The following IL18R1 variants were observed in gnomAD, a reference collection of about 807,000 sequenced individuals.
IL18R1 encodes the protein interleukin 18 receptor 1.
IL18R1 carries 40 observed loss-of-function variants against 48.5 expected under a neutral mutation model. The observed-to-expected ratio is 0.82, with a 90% confidence interval of 0.64 to 1.07. The LOEUF (loss-of-function observed/expected upper bound fraction) is 1.07. Ranked by LOEUF, IL18R1 falls within the 50% of genes least tolerant of loss-of-function variation. The pLI, the probability that IL18R1 is intolerant of heterozygous loss-of-function variation, is 0.00. For missense variants in IL18R1, 596 were observed against 633.7 expected, an observed-to-expected ratio of 0.94 and a Z score of 0.64; for synonymous variants, 232 against 225.9, an observed-to-expected ratio of 1.03 and a Z score of -0.24.
intron 6 of IL18R1, among the ~76,000 whole-genome samples, chr2:102,383,294 A>G (rs1355190322): frequency 6.6e-6 from 1 of 152,160 alleles, no homozygotes; most frequent in Non-Finnish European, 1.5e-5. Context: ...TTAAATGTCT[A>G]TTTGGTTAAG....
intron 8 of IL18R1, among the ~76,000 whole-genome samples, chr2:102,388,436 C>T (rs1010885471): frequency 4.6e-5 from 7 of 152,178 alleles, no homozygotes; most frequent in East Asian, 1.9e-4. Context: ...CAGGGCTTGT[C>T]GCCTGTGGTC....
intron 6 of IL18R1, among the ~76,000 whole-genome samples, chr2:102,383,899 C>G (rs1355292631): frequency 1.3e-5 from 2 of 152,090 alleles, no homozygotes; most frequent in African/African-American, 4.8e-5. Flanking sequence ...CAAACAGTTA[C>G]AGTTTTTAAT....
intron 3 of IL18R1, among the ~76,000 whole-genome samples, chr2:102,370,844 C>T (rs981060156): frequency 6.6e-6 from 1 of 152,108 alleles, no homozygotes; most frequent in African/African-American, 2.4e-5. Context: ...CTATTGTAGA[C>T]CTAAAGGGGA....
At chr2:102,387,289 G>A (rs367738553) in intron 8 of IL18R1, among the ~76,000 whole-genome samples, 1 of 152,200 alleles carries the variant, frequency 6.6e-6, no homozygotes, top group African/African-American at 2.4e-5. Context: ...TCATGGGGAG[G>A]CCATCAGGAC....
At chr2:102,394,168 C>T (rs1680697817) in intron 9 of IL18R1, among the ~76,000 whole-genome samples, 1 of 151,938 alleles carries the variant, frequency 6.6e-6, no homozygotes, top group Non-Finnish European at 1.5e-5. Context: ...ATGAGGACAC[C>T]TTTGGGCTCT....
rs1678645488 is a variant in IL18R1, at chr2:102,362,667, T to G, written c.7T>G (p.Cys3Gly). ...TTGAAGCAGAATCCAAACCATGAAT[T>G]GTAGAGAATTACCCTTGACCCTTTG... MNCRELPLTLWVL... is the reference protein window; with the variant it reads MNGRELPLTLWVL... Residue 3 changes from cysteine to glycine, a missense_variant, in exon 2 of 11, where the codon TGT becomes GGT. Coordinates refer to ENST00000233957, the MANE Select transcript of IL18R1 (RefSeq NM_003855.5). 1 of 1,605,192 alleles carries G rather than the reference T, an allele frequency of 6.2e-7. No homozygotes were observed. Among genetic ancestry groups the G allele is most frequent in the Admixed American group, 1.7e-5 (1 of 57,790 alleles).
Position 102,394,562 on chromosome 2 carries a change from G to A in IL18R1, c.1205G>A (p.Arg402Lys). The A allele has an allele frequency of 6.2e-7, 1 of 1,613,458 alleles. No homozygotes were observed. Among genetic ancestry groups the A allele is most frequent in the Non-Finnish European group, 8.5e-7 (1 of 1,179,538 alleles). Residue 402 changes from arginine to lysine, a missense_variant, in exon 10 of 11, where the codon AGG becomes AAG. Physicochemically the swap from Arg to Lys is conservative, Grantham distance 26. This residue lies in a region of IL18R1 where 179 missense variants were observed against 206.1 expected (regional missense o/e 0.87). Coordinates refer to ENST00000233957, the MANE Select transcript of IL18R1 (RefSeq NM_003855.5). The part of the protein sequence containing the change: ...EHTFAVEILP[R>K]VLEKHFGYKL... ...ACCTTTGCTGTGGAGATTTTGCCCAGGGTGTTGGAGAAACATTTTGGGTAT... is the reference window on the plus strand; with the variant it reads ...ACCTTTGCTGTGGAGATTTTGCCCAAGGTGTTGGAGAAACATTTTGGGTAT...
chr2:102,379,209 C>T (rs543066821), intron 5 of IL18R1, among the ~76,000 whole-genome samples: 4 of 151,988 alleles, frequency 2.6e-5, no homozygotes, highest in African/African-American at 4.8e-5. Flanking sequence ...TTTGGGAGGC[C>T]GAGGCGGATG....
intron 8 of IL18R1, among the ~76,000 whole-genome samples, chr2:102,387,412 G>A (rs1680300330): frequency 6.6e-6 from 1 of 152,184 alleles, no homozygotes; most frequent in Non-Finnish European, 1.5e-5. Flanking sequence ...GCCTCAGCAG[G>A]GTACCAGGCT....
Position 102,367,840 on chromosome 2 carries a change from G to A in IL18R1, c.74G>A (p.Arg25His), listed in dbSNP as rs764661915. Residue 25 changes from arginine to histidine, a missense_variant, in exon 3 of 11, where the codon CGT becomes CAT. Coordinates refer to ENST00000233957, the MANE Select transcript of IL18R1 (RefSeq NM_003855.5). The stretch of plus-strand genomic sequence containing the variant: ...TCTTTTGAAGAATCTTGTACTTCAC[G>A]TCCCCACATTACTGTGGTTGAAGGG... ...SVSTAESCTSRPHITVVEGEP... is the reference protein window; with the variant it reads ...SVSTAESCTSHPHITVVEGEP... The A allele has an allele frequency of 1.2e-5, 19 of 1,612,300 alleles. No individual in the cohort carries two copies. The highest frequency in any genetic ancestry group is 2.2e-5 in the South Asian group (2 of 90,934).
At chr2:102,390,252 G>A in intron 9 of IL18R1, 35 bp downstream of exon 9, 1 of 1,577,488 alleles carries the variant, frequency 6.3e-7, no homozygotes, top group Non-Finnish European at 8.7e-7. Context: ...CTTACCTTAT[G>A]TTCTCATTAA....
Position 102,387,868 on chromosome 2 carries a change from C to CAGAAAG in IL18R1, c.949+884_949+889dup, listed in dbSNP as rs551483793. On this transcript the variant is annotated intron_variant, in intron 8 of 10. Transcript: ENST00000233957. ...ACAGACAACTCTAGAGAGATGAAGACAGAAAGAGAAAGAGAAAGAGAGACA... is the reference window on the plus strand; with the variant it reads ...ACAGACAACTCTAGAGAGATGAAGACAGAAAGAGAAAGAGAAAGAGAAAGAGAGACA... 2.0e-5 allele frequency among the ~76,000 whole-genome samples: 3 copies of CAGAAAG among 150,694 alleles called. No homozygotes were observed. The East Asian group carries it at 5.8e-4, about 29-fold the overall frequency.
chr2:102,392,145 G>A (rs1680591496), intron 9 of IL18R1, among the ~76,000 whole-genome samples: 1 of 152,144 alleles, frequency 6.6e-6, no homozygotes, highest in Non-Finnish European at 1.5e-5. Flanking sequence ...AATTATATTA[G>A]TTCCTCTGAG....
intron 5 of IL18R1, among the ~76,000 whole-genome samples, chr2:102,380,780 C>A (rs1424306487): frequency 6.6e-6 from 1 of 152,260 alleles, no homozygotes; most frequent in Non-Finnish European, 1.5e-5. Context: ...CTGCAAGTCC[C>A]AGAAGGGATG....
At position 102,368,807 on chromosome 2, in the gene IL18R1, A is replaced by T. The variant is rs541330402; in HGVS notation, c.302+739A>T. Among the ~76,000 whole-genome samples the T allele has an allele frequency of 1.1e-4, 17 of 152,274 alleles. No individual in the cohort carries two copies. The East Asian group carries it at 2.7e-3, about 24-fold the overall frequency. On this transcript the variant is annotated intron_variant, in intron 3 of 10. Coordinates refer to ENST00000233957, the MANE Select transcript of IL18R1 (RefSeq NM_003855.5). Reference sequence around the variant, plus strand: ...TTATAGAGACTTGAGACTGACCTGTAAGAAATAGCTCAGGGCCAGCTGAAG... The same window carrying T: ...TTATAGAGACTTGAGACTGACCTGTTAGAAATAGCTCAGGGCCAGCTGAAG...
intron 4 of IL18R1, among the ~76,000 whole-genome samples, chr2:102,374,348 T>C (rs1282095040): frequency 6.6e-6 from 1 of 152,214 alleles, no homozygotes; most frequent in Non-Finnish European, 1.5e-5. Context: ...TGTTTACTTG[T>C]GATTTCCAAA....
chr2:102,360,011 G>A (rs1449330119), intron 1 of IL18R1, among the ~76,000 whole-genome samples: 1 of 152,172 alleles, frequency 6.6e-6, no homozygotes, highest in Non-Finnish European at 1.5e-5. Flanking sequence ...TCGGTTAGCT[G>A]GTTGAAGGTA....
chr2:102,388,977 A>G (rs913608682), intron 8 of IL18R1, among the ~76,000 whole-genome samples: 1 of 152,148 alleles, frequency 6.6e-6, no homozygotes, highest in Admixed American at 6.6e-5. Context: ...AATATGGATA[A>G]ATGTATATGC....
chr2:102,369,994 C>A (rs1205898113), intron 3 of IL18R1, among the ~76,000 whole-genome samples: 1 of 152,216 alleles, frequency 6.6e-6, no homozygotes, highest in African/African-American at 2.4e-5. Flanking sequence ...CCTAGGCTGA[C>A]AGGCAGCAAG....
Sources: gnomAD v4.1 joint callset for allele counts (sites outside exome capture counted in the v4.1 genomes callset) on GRCh38, gnomAD v4.1.1 for gene constraint, gnomAD v4.1.1 regional missense constraint, MANE v1.5 for transcripts, NCBI Gene and HGNC (gene_info 2026-07-23, HGNC 2026-07-21) for gene names.